The following DCHS1 variants were observed in gnomAD, a reference collection of about 807,000 sequenced individuals.
The protein encoded by DCHS1 is dachsous cadherin-related 1, also known as protocadherin-16.
A neutral mutation model predicts 213.9 loss-of-function variants in DCHS1; 78 were observed. The ratio of observed to expected loss-of-function variants is 0.36; its 90% CI spans 0.30 to 0.44. The LOEUF (loss-of-function observed/expected upper bound fraction) is 0.44. Ranked by LOEUF, DCHS1 falls within the 20% of genes least tolerant of loss-of-function variation. The pLI is 1.00. For missense variants in DCHS1, 3,946 were observed against 4,395.9 expected (o/e 0.90, Z 2.89); for synonymous variants, 1,828 against 1,873.7 (o/e 0.98, Z 0.63).
intron 9 of DCHS1, 36 bp from the exon 10 acceptor site, chr11:6,630,899 G>A (rs1855897270): frequency 1.3e-6 from 2 of 1,498,146 alleles, no homozygotes; most frequent in Non-Finnish European, 8.9e-7. Flanking sequence ...AGAATTGTGA[G>A]GGCCCGTGTA....
chr11:6,640,991 A>G lies in DCHS1; in HGVS notation c.623T>C (p.Val208Ala). 6.2e-7 allele frequency: 1 copy of G among 1,613,996 alleles called. No individual in the cohort carries two copies. The change falls in exon 2 of 21, where the codon GTA (valine) becomes GCA (alanine). Residue 208 changes from valine (V) to alanine (A), a missense_variant. By Grantham distance (64) the Val-to-Ala change is moderately conservative (BLOSUM62 0). This residue lies in a region of DCHS1 where 3,384 missense variants were observed against 3,780.1 expected (regional missense o/e 0.90). Coordinates refer to ENST00000299441, the MANE Select transcript of DCHS1 (RefSeq NM_003737.4). This position sits in a 1 kb window ranked among gnomAD's most constrained non-coding sequence, Gnocchi z 6.5. ...CTCTCGGTCCAGTTCCCCAGTAACT[A>G]CCAGCTCAGGTACTGGAGTCCCATC... ...GPDGTPVPEL[V>A]VTGELDRENR...
rs1855946258 is a variant in DCHS1 at position 6,633,639 on chromosome 11, G to A, written c.2228C>T (p.Thr743Ile). The change falls in exon 5 of 21, where the codon ACA becomes ATA. Residue 743 changes from threonine to isoleucine, a missense_variant. Coordinates refer to ENST00000299441, the MANE Select transcript of DCHS1 (RefSeq NM_003737.4). ...FTLDEQSGLLTVAWPLARRAN... is the reference protein window; with the variant it reads ...FTLDEQSGLLIVAWPLARRAN... The stretch of plus-strand genomic sequence containing the variant: ...CCGTCTGGCCAAGGGCCAGGCTACT[G>A]TCAACAGCCCTGAGAGGAAGAATAG... 6.2e-7 allele frequency: 1 copy of A among 1,601,902 alleles called. No homozygotes were observed. The highest frequency in any genetic ancestry group is 1.1e-5 in the South Asian group (1 of 89,728).
rs140214537 is a variant in DCHS1, at chr11:6,623,259, T to G, written c.8417A>C (p.Glu2806Ala). Reference sequence around the variant, plus strand: ...CAGAAATACAGGGTCATACTCATCCTCTCCAGTCACTAGCACCGACACAGT... The same window carrying G: ...CAGAAATACAGGGTCATACTCATCCGCTCCAGTCACTAGCACCGACACAGT... ...SVTVSVLVTG[E>A]DEYDPVFLAP... The change falls in exon 21 of 21, where the codon GAG becomes GCG. Residue 2806 changes from glutamate (E) to alanine (A), a missense_variant. By Grantham distance (107) the Glu-to-Ala change is moderately radical. Around this residue, in one of 3 missense-constraint regions of DCHS1, gnomAD observed 3,384 missense variants for 3,780.1 expected, o/e 0.90. Transcript: ENST00000299441. 1 of 1,590,990 alleles carries G rather than the reference T, an allele frequency of 6.3e-7. No homozygotes were observed. The highest frequency in any genetic ancestry group is 2.3e-5 in the East Asian group (1 of 43,556).
intron 1 of DCHS1, among the ~76,000 whole-genome samples, chr11:6,649,548 G>GT (rs958525324): frequency 6.6e-5 from 10 of 152,194 alleles, no homozygotes; most frequent in African/African-American, 2.2e-4. Context: ...CACATGTGAA[G>GT]TGATTCATTG....
Position 6,622,941 on chromosome 11 carries a change from C to G in DCHS1, c.8735G>C (p.Arg2912Pro). The G allele has an allele frequency of 6.3e-7, 1 of 1,585,032 alleles. No homozygotes were observed. The highest frequency in any genetic ancestry group is 8.6e-7 in the Non-Finnish European group (1 of 1,165,974). ...CACGGTCACAGGCACTGTGGCACTC[C>G]GGGAACCAGGCAGAGGCCCCCGTGC... is the stretch of plus-strand genomic sequence containing the variant. ...VIARGPLPGS[R>P]SATVPVTVDI... The change falls in exon 21 of 21, where the codon CGG becomes CCG. Residue 2912 changes from arginine to proline, a missense_variant. Physicochemically the swap from Arg to Pro is moderately radical, Grantham distance 103 (BLOSUM62 -2). Coordinates refer to ENST00000299441, the MANE Select transcript of DCHS1 (RefSeq NM_003737.4). This position sits in a 1 kb window ranked among gnomAD's most constrained non-coding sequence, Gnocchi z 5.4.
Position 6,632,660 on chromosome 11 carries a change from C to T in DCHS1, c.2852G>A (p.Arg951Gln), listed in dbSNP as rs760791115. 2.1e-5 allele frequency: 33 copies of T among 1,568,798 alleles called. No homozygotes were observed. The highest frequency in any genetic ancestry group is 2.5e-5 in the Non-Finnish European group (29 of 1,155,886). The change falls in exon 6 of 21, where the codon CGG becomes CAG. Residue 951 changes from arginine (R) to glutamine (Q), a missense_variant. Physicochemically the swap from Arg to Gln is conservative, Grantham distance 43 (BLOSUM62 1). Transcript: ENST00000299441. The surrounding 1 kb of genome is among the most constrained non-coding windows in gnomAD (Gnocchi z 5.9). ...FTVDPTTGHVRLMRPLGPSGG... is the reference protein window; with the variant it reads ...FTVDPTTGHVQLMRPLGPSGG... The stretch of plus-strand genomic sequence containing the variant: ...TGAGGGCCCCAGAGGCCTCATAAGC[C>T]GTACATGGCCTGTGGTGGGGTCCAC...
chr11:6,631,236 G>A, intron 8 of DCHS1, 26 bp from the exon 9 acceptor site: 1 of 1,612,704 alleles, frequency 6.2e-7, no homozygotes. Flanking sequence ...GGAAGATGAG[G>A]GCTTGGGGCC....
At position 6,631,378 on chromosome 11, in the gene DCHS1, C is replaced by A. The variant is rs1855905201; in HGVS notation, c.3705G>T (p.Leu1235=). The A allele has an allele frequency of 6.2e-7, 1 of 1,614,006 alleles. No homozygotes were observed. The highest frequency in any genetic ancestry group is 2.2e-5 in the East Asian group (1 of 44,878). The change falls in exon 8 of 21, where the codon CTG becomes CTT. Residue 1235 remains leucine (L), a synonymous_variant. Transcript: ENST00000299441. ...GATCCTTCGCCTGCAGAGTCGTCAC[C>A]AGTGTTCCCGGAGGCACGCGGTCTG... ...QVPDRVPPGT[L]VTTLQAKDPD...
In DCHS1 at chr11:6,622,934, G is replaced by A. The variant is rs1855724652; in HGVS notation, c.8742C>T (p.Ala2914=). The A allele has an allele frequency of 2.5e-6, 4 of 1,587,110 alleles. No individual in the cohort carries two copies. Among genetic ancestry groups the A allele is most frequent in the East Asian group, 2.3e-5 (1 of 43,260 alleles). The part of the protein sequence containing the change: ...ARGPLPGSRS[A]TVPVTVDITH... ...TGATATCCACGGTCACAGGCACTGT[G>A]GCACTCCGGGAACCAGGCAGAGGCC... Residue 2914 remains alanine (A), a synonymous_variant, in exon 21 of 21, where the codon GCC becomes GCT. Coordinates refer to ENST00000299441, the MANE Select transcript of DCHS1 (RefSeq NM_003737.4). The surrounding 1 kb of genome is among the most constrained non-coding windows in gnomAD (Gnocchi z 5.4).
In DCHS1 at chr11:6,632,176, C is replaced by A; in HGVS notation, c.3336G>T (p.Leu1112=). The A allele has an allele frequency of 6.3e-7, 1 of 1,599,240 alleles. No homozygotes were observed. Among genetic ancestry groups the A allele is most frequent in the Non-Finnish European group, 8.6e-7 (1 of 1,169,532 alleles). Residue 1112 remains leucine (L), a synonymous_variant, in exon 6 of 21, where the codon CTG becomes CTT. Coordinates refer to ENST00000299441, the MANE Select transcript of DCHS1 (RefSeq NM_003737.4). This position sits in a 1 kb window ranked among gnomAD's most constrained non-coding sequence, Gnocchi z 5.9. ...SPRLSEDPTF[L]AVAENQPPGT... ...CTGGGGGCTGGTTCTCAGCCACAGC[C>A]AGGAAGGTGGGATCCTCAGACAAGC...
chr11:6,627,323 G>C lies in DCHS1; in HGVS notation c.5716C>G (p.Pro1906Ala). ...AGTAGAFLLE[P>A]SSGELRTAAA... ...GCTGTGCGCAGTTCTCCAGAGCTGG[G>C]CTCCAGCAGGAAGGCTCCTGCTGTA... Residue 1906 changes from proline (P) to alanine (A), a missense_variant, in exon 14 of 21, where the codon CCC becomes GCC. Physicochemically the swap from Pro to Ala is conservative, Grantham distance 27. This residue lies in a region of DCHS1 where 3,384 missense variants were observed against 3,780.1 expected (regional missense o/e 0.90). Coordinates refer to ENST00000299441, the MANE Select transcript of DCHS1 (RefSeq NM_003737.4). The surrounding 1 kb of genome is among the most constrained non-coding windows in gnomAD (Gnocchi z 5.4). 1 of 1,610,222 alleles carries C rather than the reference G, an allele frequency of 6.2e-7. No individual in the cohort carries two copies.
Position 6,640,631 on chromosome 11 carries a change from T to A in DCHS1, c.983A>T (p.His328Leu). 6.2e-7 allele frequency: 1 copy of A among 1,610,274 alleles called. No homozygotes were observed. ...RPLDFEQRRV[H>L]ELVVQARDGG... ...ATCTCGTGCTTGCACCACCAGTTCA[T>A]GGACCCGCCGCTGCTCAAAGTCCAG... The change falls in exon 2 of 21, where the codon CAT (histidine) becomes CTT (leucine). Residue 328 changes from histidine (H) to leucine (L), a missense_variant. By Grantham distance (99) the His-to-Leu change is moderately conservative. Coordinates refer to ENST00000299441, the MANE Select transcript of DCHS1 (RefSeq NM_003737.4). The surrounding 1 kb of genome is among the most constrained non-coding windows in gnomAD (Gnocchi z 6.5).
chr11:6,640,296 A>C lies in DCHS1; in HGVS notation c.1318T>G (p.Leu440Val). Residue 440 changes from leucine to valine, a missense_variant, in exon 2 of 21, where the codon TTG (leucine) becomes GTG (valine). Physicochemically the swap from Leu to Val is conservative, Grantham distance 32 (BLOSUM62 1). Around this residue, in one of 3 missense-constraint regions of DCHS1, gnomAD observed 3,384 missense variants for 3,780.1 expected, o/e 0.90. Coordinates refer to ENST00000299441, the MANE Select transcript of DCHS1 (RefSeq NM_003737.4). The surrounding 1 kb of genome is among the most constrained non-coding windows in gnomAD (Gnocchi z 6.5). ...CCTGAGTCTGTGGCTGTAACCCTCA[A>C]GTTATAGGCATCCCTCTCCTCTCGA... ...LDREERDAYN[L>V]RVTATDSGSP... 2 of 1,607,976 alleles carry C rather than the reference A, an allele frequency of 1.2e-6. No homozygotes were observed. Among genetic ancestry groups the C allele is most frequent in the Non-Finnish European group, 1.7e-6 (2 of 1,177,330 alleles).
intron 1 of DCHS1, among the ~76,000 whole-genome samples, chr11:6,655,146 C>A (rs966334823): frequency 6.6e-6 from 1 of 152,158 alleles, no homozygotes; most frequent in Non-Finnish European, 1.5e-5. Flanking sequence ...GGGCAACACA[C>A]CCTCACAGGG....
intron 1 of DCHS1, among the ~76,000 whole-genome samples, chr11:6,644,912 G>A (rs1411518440): frequency 6.6e-6 from 1 of 152,202 alleles, no homozygotes; most frequent in Non-Finnish European, 1.5e-5. Flanking sequence ...AGAGAGAGGT[G>A]GGTTTCTGAC....
Position 6,621,724 on chromosome 11 carries a change from G to A in DCHS1, c.*55C>T. Reference sequence around the variant, plus strand: ...CTGCCCAGGGCAGGCTCAGAGTGGGGCCTGCGTTGGGGACACTGTGCGCAT... The same window carrying A: ...CTGCCCAGGGCAGGCTCAGAGTGGGACCTGCGTTGGGGACACTGTGCGCAT... On this transcript the variant is annotated 3_prime_UTR_variant, in exon 21 of 21. Transcript: ENST00000299441. 6.5e-7 allele frequency: 1 copy of A among 1,535,916 alleles called. No homozygotes were observed. The highest frequency in any genetic ancestry group is 8.8e-7 in the Non-Finnish European group (1 of 1,142,106).
intron 10 of DCHS1, 34 bp from the exon 11 acceptor site, chr11:6,629,945 C>A: frequency 6.2e-7 from 1 of 1,604,844 alleles, no homozygotes; most frequent in Middle Eastern, 1.7e-4. Context: ...GGTGGGGACC[C>A]CAACACTCCA....
In DCHS1 at chr11:6,634,255, A is replaced by G; in HGVS notation, c.1849T>C (p.Leu617=). The G allele has an allele frequency of 6.2e-7, 1 of 1,613,320 alleles. No homozygotes were observed. The highest frequency in any genetic ancestry group is 1.3e-5 in the African/African-American group (1 of 75,046). The change falls in exon 3 of 21, where the codon TTG becomes CTG. Residue 617 remains leucine (L), a synonymous_variant. Coordinates refer to ENST00000299441, the MANE Select transcript of DCHS1 (RefSeq NM_003737.4). ...CCGGAGGACCCAAGTCCAGCACCCA[A>G]GGAATAGGAGAGGAGGCCAAATGGG... ...SGPFGLLSYS[L]GAGLGSSGSP...
chr11:6,626,089 A>G lies in DCHS1; in HGVS notation c.6577-15T>C. 1 of 1,605,468 alleles carries G rather than the reference A, an allele frequency of 6.2e-7. No individual in the cohort carries two copies. Among genetic ancestry groups the G allele is most frequent in the Non-Finnish European group, 8.5e-7 (1 of 1,175,936 alleles). On this transcript the variant is annotated splice_polypyrimidine_tract_variant and intron_variant, in intron 16 of 20. Coordinates refer to ENST00000299441, the MANE Select transcript of DCHS1 (RefSeq NM_003737.4). The surrounding 1 kb of genome is among the most constrained non-coding windows in gnomAD (Gnocchi z 5.2). ...TCCGCCTCCACCTGGTGAGGGTAGG[A>G]GGCTGCTGGGACTGGTCTGGCCACA...
Sources: gnomAD v4.1 joint callset for allele counts (sites outside exome capture counted in the v4.1 genomes callset) on GRCh38, gnomAD v4.1.1 for gene constraint, gnomAD v4.1.1 regional missense constraint, Gnocchi (gnomAD v3.1) non-coding constraint, MANE v1.5 for transcripts, NCBI Gene and HGNC (gene_info 2026-07-23, HGNC 2026-07-21) for gene names.